Variants in MAPKAPK2 observed in about 807,000 individuals in gnomAD.
MAPKAPK2 encodes the protein MAPK activated protein kinase 2, also known as MAP kinase-activated protein kinase 2.
In MAPKAPK2, 9 loss-of-function variants were observed where a neutral mutation model predicts 48.8. The ratio of observed to expected loss-of-function variants is 0.18; its 90% CI spans 0.11 to 0.32. The LOEUF is 0.32. Ranked by LOEUF, MAPKAPK2 falls within the 10% of genes least tolerant of loss-of-function variation. The probability of loss-of-function intolerance (pLI) is 1.00; values close to 1 mark genes in which losing one functional copy is unlikely to be tolerated. For synonymous variants in MAPKAPK2, 202 were observed against 190.6 expected (o/e 1.06, Z -0.49); for missense variants, 331 against 498.3 (o/e 0.66, Z 3.20).
intron 1 of MAPKAPK2, among the ~76,000 whole-genome samples, chr1:206,688,576 A>G (rs1195276893): frequency 1.3e-5 from 2 of 152,166 alleles, no homozygotes; most frequent in Admixed American, 1.3e-4. Context: ...CCCTTTTAAG[A>G]GAGTATTTGA....
At chr1:206,727,239 A>C (rs1264570422) in intron 1 of MAPKAPK2, among the ~76,000 whole-genome samples, 1 of 152,212 alleles carries the variant, frequency 6.6e-6, no homozygotes, top group Non-Finnish European at 1.5e-5. Flanking sequence ...AGTGCATGTC[A>C]GATACTCTGT....
intron 1 of MAPKAPK2, among the ~76,000 whole-genome samples, chr1:206,725,109 A>G (rs1348052936): frequency 1.3e-5 from 2 of 152,228 alleles, no homozygotes; most frequent in Non-Finnish European, 2.9e-5. Flanking sequence ...GTCTCCTCTA[A>G]TGGGTAGAGA....
intron 1 of MAPKAPK2, among the ~76,000 whole-genome samples, chr1:206,709,462 T>C (rs1300201395): frequency 1.3e-5 from 2 of 152,198 alleles, no homozygotes; most frequent in African/African-American, 4.8e-5. Flanking sequence ...ATCCCTGTCT[T>C]GAGCTAGGTA....
chr1:206,699,459 T>A (rs575486079), intron 1 of MAPKAPK2, among the ~76,000 whole-genome samples: 1 of 152,120 alleles, frequency 6.6e-6, no homozygotes, highest in South Asian at 2.1e-4. Flanking sequence ...AGGAGAAGTG[T>A]GAGGGACTCC....
chr1:206,729,665 C>T (rs1156605592), intron 4 of MAPKAPK2, among the ~76,000 whole-genome samples, 190 bp downstream of exon 4: 1 of 152,246 alleles, frequency 6.6e-6, no homozygotes, highest in East Asian at 1.9e-4. Context: ...GTGAAGCATT[C>T]TCTGGCCCCA....
At chr1:206,716,951 G>C (rs1572503400) in intron 1 of MAPKAPK2, among the ~76,000 whole-genome samples, 1 of 152,224 alleles carries the variant, frequency 6.6e-6, no homozygotes. Context: ...TCTTGTTCTG[G>C]TGTACAGTCT....
At chr1:206,698,073 A>T (rs1158489867) in intron 1 of MAPKAPK2, among the ~76,000 whole-genome samples, 1 of 152,260 alleles carries the variant, frequency 6.6e-6, no homozygotes, top group African/African-American at 2.4e-5. Context: ...AGCCTCGGGG[A>T]CTAAGAGCCA....
chr1:206,693,421 G>C (rs1672515968), intron 1 of MAPKAPK2, among the ~76,000 whole-genome samples: 1 of 152,114 alleles, frequency 6.6e-6, no homozygotes, highest in Admixed American at 6.5e-5. Flanking sequence ...CTGAGTGCTG[G>C]GAGACGTGCT....
At chr1:206,686,468 G>A (rs1672292260) in intron 1 of MAPKAPK2, among the ~76,000 whole-genome samples, 2 of 152,174 alleles carry the variant, frequency 1.3e-5, no homozygotes, top group Admixed American at 6.5e-5. Flanking sequence ...GGGTGGGTCC[G>A]CAGTGAAGTG....
chr1:206,730,176 C>G, intron 5 of MAPKAPK2, 78 bp downstream of exon 5: 1 of 1,562,782 alleles, frequency 6.4e-7, no homozygotes, highest in South Asian at 1.2e-5. Flanking sequence ...ATCTGGGGGG[C>G]CGCAAATCCT....
chr1:206,699,270 G>T (rs1553427528), intron 1 of MAPKAPK2, among the ~76,000 whole-genome samples: 2 of 152,216 alleles, frequency 1.3e-5, no homozygotes, highest in African/African-American at 4.8e-5. Flanking sequence ...GGGGGTAAGT[G>T]TCTGGGCACC....
intron 1 of MAPKAPK2, among the ~76,000 whole-genome samples, chr1:206,698,153 A>G (rs1364330893): frequency 6.6e-6 from 1 of 152,196 alleles, no homozygotes; most frequent in East Asian, 1.9e-4. Flanking sequence ...GTTTTTATTC[A>G]TTCAGCCAAT....
chr1:206,731,088 A>G lies in MAPKAPK2; in HGVS notation c.768-50A>G. 5 of 1,613,002 alleles carry G rather than the reference A, an allele frequency of 3.1e-6. No individual in the cohort carries two copies. The highest frequency in any genetic ancestry group is 1.1e-5 in the South Asian group (1 of 91,062). On this transcript the variant is annotated intron_variant, in intron 6 of 9. Coordinates refer to ENST00000367103, the MANE Select transcript of MAPKAPK2 (RefSeq NM_032960.4). The surrounding 1 kb of genome is among the most constrained non-coding windows in gnomAD (Gnocchi z 5.9). ...CTCATCCTGTTCCTGGTACAGGGCC[A>G]CTAAGTGACAGCTGTTCTGTCTCCC...
chr1:206,711,749 C>G (rs1214912655), intron 1 of MAPKAPK2, among the ~76,000 whole-genome samples: 1 of 151,750 alleles, frequency 6.6e-6, no homozygotes, highest in Non-Finnish European at 1.5e-5. Flanking sequence ...TCCCAAGTAG[C>G]TAGGACTACT....
chr1:206,725,258 T>A (rs1673667448), intron 1 of MAPKAPK2, among the ~76,000 whole-genome samples: 1 of 152,202 alleles, frequency 6.6e-6, no homozygotes, highest in South Asian at 2.1e-4. Context: ...CAGGGGGTGC[T>A]AAGGAGCATG....
intron 1 of MAPKAPK2, among the ~76,000 whole-genome samples, chr1:206,691,150 T>A (rs1480334188): frequency 1.3e-5 from 2 of 152,180 alleles, no homozygotes; most frequent in African/African-American, 4.8e-5. Flanking sequence ...GCTGGCCTAG[T>A]GCAGAAATGT....
intron 1 of MAPKAPK2, among the ~76,000 whole-genome samples, chr1:206,691,392 T>C (rs539459325): frequency 7.3e-5 from 11 of 151,010 alleles, no homozygotes; most frequent in Admixed American, 1.3e-4. Context: ...CACTGGACAG[T>C]GTAATAACGT....
At position 206,729,107 on chromosome 1, in the gene MAPKAPK2, G is replaced by A. The variant is rs782213323; in HGVS notation, c.484+8G>A. 1.2e-6 allele frequency: 2 copies of A among 1,614,110 alleles called. No homozygotes were observed. Among genetic ancestry groups the A allele is most frequent in the Non-Finnish European group, 1.7e-6 (2 of 1,179,974 alleles). On this transcript the variant is annotated splice_region_variant and intron_variant, in intron 3 of 9. Transcript: ENST00000367103. ...AGGCATTCACAGAAAGAGGTAGAAAGGGTCTGTTGTGGGAGCACGTGCAGG... is the reference window on the plus strand; with the variant it reads ...AGGCATTCACAGAAAGAGGTAGAAAAGGTCTGTTGTGGGAGCACGTGCAGG...
At chr1:206,730,975 C>A (rs1673883020) in intron 6 of MAPKAPK2, among the ~76,000 whole-genome samples, 163 bp from the exon 7 acceptor site, 1 of 152,166 alleles carries the variant, frequency 6.6e-6, no homozygotes, top group South Asian at 2.1e-4. Flanking sequence ...ATGCTGGATT[C>A]CCGGGCCCCG....
Sources: allele counts gnomAD v4.1 joint callset (sites outside exome capture counted in the v4.1 genomes callset), GRCh38; gene constraint gnomAD v4.1.1; non-coding constraint Gnocchi (gnomAD v3.1); transcripts MANE v1.5; gene names NCBI Gene and HGNC (gene_info 2026-07-23, HGNC 2026-07-21).